The following CLVS1 variants were observed in gnomAD, a reference collection of about 807,000 sequenced individuals.
CLVS1 encodes the protein clavesin-1.
CLVS1 carries 10 observed loss-of-function variants against 33.1 expected under a neutral mutation model. The ratio of observed to expected loss-of-function variants is 0.30; its 90% CI spans 0.19 to 0.51. The LOEUF is 0.51. CLVS1 is among the 20% of genes least tolerant of loss of function. CLVS1 has a pLI of 0.97. For missense variants in CLVS1, 343 were observed against 433.4 expected, an observed-to-expected ratio of 0.79 and a Z score of 1.85; for synonymous variants, 163 against 166.1, an observed-to-expected ratio of 0.98 and a Z score of 0.14.
At chr8:61,351,224 G>T (rs551618595) in intron 2 of CLVS1, among the ~76,000 whole-genome samples, 1 of 151,920 alleles carries the variant, frequency 6.6e-6, no homozygotes, top group Non-Finnish European at 1.5e-5. Flanking sequence ...TAAAGGAATA[G>T]AAGTTATAAA....
intron 1 of CLVS1, among the ~76,000 whole-genome samples, chr8:61,088,855 G>T (rs1488178741): frequency 6.7e-6 from 1 of 150,224 alleles, no homozygotes; most frequent in Non-Finnish European, 1.5e-5. Context: ...AGGCTGGAGT[G>T]CAGTGGAGAG....
intron 2 of CLVS1, among the ~76,000 whole-genome samples, chr8:61,211,546 T>C (rs542475964): frequency 6.6e-6 from 1 of 152,318 alleles, no homozygotes; most frequent in East Asian, 1.9e-4. Flanking sequence ...AAAGATCCAC[T>C]GGAGGGCAAG....
At chr8:61,259,786 G>C (rs1809159580) in intron 2 of CLVS1, among the ~76,000 whole-genome samples, 1 of 152,250 alleles carries the variant, frequency 6.6e-6, no homozygotes, top group Non-Finnish European at 1.5e-5. Context: ...TTATGGTTAA[G>C]AGCAGACGCG....
At chr8:61,375,456 G>A (rs896261787) in intron 2 of CLVS1, among the ~76,000 whole-genome samples, 3 of 152,024 alleles carry the variant, frequency 2.0e-5, no homozygotes, top group Non-Finnish European at 2.9e-5. Flanking sequence ...TCACCATGTT[G>A]GCCAGGCTGG....
At chr8:61,169,543 A>C (rs1049494573) in intron 2 of CLVS1, among the ~76,000 whole-genome samples, 1 of 152,162 alleles carries the variant, frequency 6.6e-6, no homozygotes, top group Non-Finnish European at 1.5e-5. Flanking sequence ...GACCTGAGAG[A>C]CTTTATCTAC....
chr8:61,240,240 G>A (rs1019241516), intron 2 of CLVS1, among the ~76,000 whole-genome samples: 4 of 152,118 alleles, frequency 2.6e-5, no homozygotes, highest in African/African-American at 9.7e-5. Flanking sequence ...TGCATCACTA[G>A]ACCTGGTCTT....
chr8:61,187,434 A>C (rs974840444), intron 2 of CLVS1, among the ~76,000 whole-genome samples: 6 of 152,174 alleles, frequency 3.9e-5, no homozygotes, highest in African/African-American at 1.4e-4. Flanking sequence ...CCCATTAAAA[A>C]GCCTTCAAAT....
intron 2 of CLVS1, among the ~76,000 whole-genome samples, chr8:61,318,660 T>G (rs1277643352): frequency 1.3e-5 from 2 of 152,206 alleles, no homozygotes; most frequent in African/African-American, 4.8e-5. Context: ...ATTTTCTAAG[T>G]TTTTGTCTTC....
the CLVS1 span, among the ~76,000 whole-genome samples, chr8:60,970,808 G>A: frequency 6.6e-6 from 1 of 152,036 alleles, no homozygotes; most frequent in Non-Finnish European, 1.5e-5. Flanking sequence ...TATTTTATTG[G>A]TGATTTCATC....
the CLVS1 span, among the ~76,000 whole-genome samples, chr8:60,993,151 T>G: frequency 0.023 from 3,496 of 152,266 alleles, 153 homozygotes; most frequent in African/African-American, 0.08. Context: ...CCACCACAAG[T>G]GGTGTACAGA....
intron 2 of CLVS1, among the ~76,000 whole-genome samples, chr8:61,339,330 C>T (rs56384513): frequency 0.2 from 30,004 of 151,998 alleles, 3,726 homozygotes; most frequent in East Asian, 0.35. Context: ...GACAGAGCCT[C>T]AAGGCAGAGG....
intron 3 of CLVS1, among the ~76,000 whole-genome samples, chr8:61,405,272 A>G (rs895544210): frequency 1.3e-5 from 2 of 152,232 alleles, no homozygotes; most frequent in Non-Finnish European, 1.5e-5. Context: ...TGGAGAAAAC[A>G]TCTGCCACAA....
the CLVS1 span, among the ~76,000 whole-genome samples, chr8:61,034,885 T>C: frequency 1.3e-5 from 2 of 152,142 alleles, no homozygotes; most frequent in African/African-American, 4.8e-5. Flanking sequence ...AATAAACAAC[T>C]TTCCCGTGTT....
At position 61,267,698 on chromosome 8, in the gene CLVS1, A is replaced by G. The variant is rs376638650; in HGVS notation, c.-151-31979A>G. Among the ~76,000 whole-genome samples the G allele has an allele frequency of 9.2e-5, 14 of 152,344 alleles. No homozygotes were observed. The East Asian group carries it at 2.1e-3, about 23-fold the overall frequency. On this transcript the variant is annotated intron_variant, in intron 2 of 2. Coordinates refer to the CLVS1 transcript ENST00000522621. ...CTAAGCATCCTTCTCAACTGCAAAT[A>G]TATTAAATGATAATCATGACTGAGG... is the stretch of plus-strand genomic sequence containing the variant.
chr8:61,051,871 G>T, the CLVS1 span, among the ~76,000 whole-genome samples: 5 of 152,306 alleles, frequency 3.3e-5, no homozygotes, highest in Admixed American at 1.3e-4. Context: ...AGCCACCCAC[G>T]CTGGGCCCCA....
intron 2 of CLVS1, among the ~76,000 whole-genome samples, chr8:61,196,395 C>T (rs2978508): frequency 0.45 from 68,893 of 151,926 alleles, 16,815 homozygotes; most frequent in Middle Eastern, 0.62. Context: ...GTTGAGATCA[C>T]AATTTTATTC....
At chr8:61,302,387 C>T (rs1810469282) in intron 2 of CLVS1, among the ~76,000 whole-genome samples, 1 of 152,140 alleles carries the variant, frequency 6.6e-6, no homozygotes, top group Non-Finnish European at 1.5e-5. Context: ...ATTCATTCAT[C>T]TTTATCATTC....
At chr8:61,246,009 T>C (rs1016762866) in intron 2 of CLVS1, among the ~76,000 whole-genome samples, 3 of 151,996 alleles carry the variant, frequency 2.0e-5, no homozygotes, top group Non-Finnish European at 4.4e-5. Flanking sequence ...TGACGTCATA[T>C]GATCCTCCTG....
chr8:61,005,413 C>CTT, the CLVS1 span, among the ~76,000 whole-genome samples: 513 of 142,800 alleles, frequency 3.6e-3, 5 homozygotes, highest in African/African-American at 0.013. Context: ...AACAGGGTGG[C>CTT]TTTTTTTTTT....
Sources: allele counts gnomAD v4.1 joint callset (sites outside exome capture counted in the v4.1 genomes callset), GRCh38; gene constraint gnomAD v4.1.1; transcripts MANE v1.5; gene names NCBI Gene and HGNC (gene_info 2026-07-23, HGNC 2026-07-21).